NOS2: variants seen among roughly 807,000 people sequenced by gnomAD.
NOS2 encodes nitric oxide synthase, inducible.
Under a neutral mutation model 136.0 loss-of-function variants are expected in NOS2, and 96 were observed. The ratio of observed to expected loss-of-function variants is 0.71; its 90% CI spans 0.60 to 0.84. NOS2 has a LOEUF of 0.84. Ranked by LOEUF, NOS2 falls within the 40% of genes least tolerant of loss-of-function variation. The pLI, the probability that NOS2 is intolerant of heterozygous loss-of-function variation, is 0.00. For synonymous variants in NOS2, 539 were observed against 587.5 expected (o/e 0.92, Z 1.20); for missense variants, 1,237 against 1,496.9 (o/e 0.83, Z 2.87).
chr17:27,788,378 C>G (rs1467831513), intron 4 of NOS2, among the ~76,000 whole-genome samples: 1 of 152,094 alleles, frequency 6.6e-6, no homozygotes, highest in Non-Finnish European at 1.5e-5. Context: ...CAGAAAGAAG[C>G]CTGAAAAGAC....
At chr17:27,793,324 C>T (rs1400038780) in intron 2 of NOS2, among the ~76,000 whole-genome samples, 1 of 152,164 alleles carries the variant, frequency 6.6e-6, no homozygotes, top group Admixed American at 6.5e-5. Flanking sequence ...ATTTCAAAAG[C>T]TCCCAAGTGC....
chr17:27,769,429 G>T, intron 16 of NOS2, 106 bp downstream of exon 16: 1 of 978,592 alleles, frequency 1.0e-6, no homozygotes, highest in South Asian at 1.4e-5. Context: ...CTCTGTGCCT[G>T]CACGGTTCTG....
At chr17:27,764,263 A>G (rs1181105923) in intron 20 of NOS2, 119 bp from the exon 21 acceptor site, 1 of 572,856 alleles carries the variant, frequency 1.7e-6, no homozygotes, top group African/African-American at 2.0e-5. Context: ...AGGAGGCTCT[A>G]AAGACCTGGC....
intron 15 of NOS2, 37 bp downstream of exon 15, chr17:27,770,876 A>C (rs1597548488): frequency 6.6e-7 from 1 of 1,523,546 alleles, no homozygotes; most frequent in Non-Finnish European, 9.1e-7. Flanking sequence ...CCCGTGCCCT[A>C]CCACCCCCTA....
chr17:27,775,791 A>T (rs1169880222), intron 11 of NOS2, among the ~76,000 whole-genome samples: 3 of 152,114 alleles, frequency 2.0e-5, no homozygotes, highest in African/African-American at 4.8e-5. Flanking sequence ...CTCCAAAAAA[A>T]AAGTTCTTAC....
intron 11 of NOS2, among the ~76,000 whole-genome samples, 196 bp downstream of exon 11, chr17:27,778,494 C>G (rs1908732192): frequency 6.6e-6 from 1 of 152,104 alleles, no homozygotes; most frequent in African/African-American, 2.4e-5. Context: ...GAGTAAAGTC[C>G]TTGAGCGATT....
intron 9 of NOS2, 21 bp from the exon 10 acceptor site, chr17:27,779,077 A>G: frequency 7.0e-7 from 1 of 1,424,450 alleles, no homozygotes; most frequent in East Asian, 2.6e-5. Context: ...GGTAGACACA[A>G]TTTAACTGGG....
intron 19 of NOS2, 98 bp downstream of exon 19, chr17:27,766,412 C>G: frequency 8.9e-7 from 1 of 1,118,558 alleles, no homozygotes; most frequent in Non-Finnish European, 1.4e-6. Context: ...AGCATATGCT[C>G]TTCTCCTCTC....
chr17:27,779,129 A>G (rs1908759472), intron 9 of NOS2, 73 bp from the exon 10 acceptor site: 1 of 1,174,044 alleles, frequency 8.5e-7, no homozygotes, highest in South Asian at 2.8e-5. Context: ...TTTTTTAGTG[A>G]CTTGGTCTTG....
chr17:27,763,078 T>A, intron 21 of NOS2, 73 bp from the exon 22 acceptor site: 1 of 971,912 alleles, frequency 1.0e-6, no homozygotes, highest in Non-Finnish European at 1.5e-6. Flanking sequence ...CACAACCCAG[T>A]ATTCATTCAT....
At chr17:27,780,485 C>T (rs2151331304) in intron 9 of NOS2, among the ~76,000 whole-genome samples, 1 of 152,312 alleles carries the variant, frequency 6.6e-6, no homozygotes, top group South Asian at 2.1e-4. Flanking sequence ...ATGCATTCCT[C>T]TCCTGCAGTC....
intron 6 of NOS2, among the ~76,000 whole-genome samples, chr17:27,782,320 A>G (rs1274065370): frequency 6.6e-6 from 1 of 152,126 alleles, no homozygotes; most frequent in African/African-American, 2.4e-5. Flanking sequence ...CTCCCATTTC[A>G]TGGCTGCCCT....
chr17:27,760,258 TC>T, intron 24 of NOS2, 80 bp from the exon 25 acceptor site: 1 of 1,377,950 alleles, frequency 7.3e-7, no homozygotes, highest in South Asian at 1.4e-5. Context: ...AATTCTCACT[TC>T]ACTCCCACTA....
intron 4 of NOS2, 124 bp from the exon 5 acceptor site, chr17:27,787,950 A>C: frequency 2.0e-6 from 2 of 986,180 alleles, no homozygotes; most frequent in Non-Finnish European, 1.5e-6. Context: ...CCTCTTCTCC[A>C]CCCCTGTGGC....
intron 15 of NOS2, 41 bp from the exon 16 acceptor site, chr17:27,769,625 A>C: frequency 1.3e-6 from 2 of 1,532,220 alleles, no homozygotes; most frequent in South Asian, 2.2e-5. Flanking sequence ...AGCCAGGATG[A>C]ATAAAAACAC....
chr17:27,773,131 T>C, intron 13 of NOS2, 30 bp downstream of exon 13: 1 of 1,540,380 alleles, frequency 6.5e-7, no homozygotes, highest in Non-Finnish European at 9.0e-7. Flanking sequence ...AGTTCACACA[T>C]CACTACTAGC....
At chr17:27,781,318 C>A in intron 7 of NOS2, 141 bp from the exon 8 acceptor site, 2 of 921,248 alleles carry the variant, frequency 2.2e-6, no homozygotes, top group Non-Finnish European at 3.2e-6. Flanking sequence ...TCCTGACATG[C>A]CTTCTCCTGC....
intron 1 of NOS2, among the ~76,000 whole-genome samples, chr17:27,799,292 C>G (rs1473422454): frequency 6.6e-6 from 1 of 152,188 alleles, no homozygotes; most frequent in African/African-American, 2.4e-5. Context: ...CCCAGCAGCT[C>G]TCATTATCAA....
Position 27,756,855 on chromosome 17 carries a change from T to C in NOS2, c.*391A>G, listed in dbSNP as rs1442275291. 5.5e-6 allele frequency: 1 copy of C among 183,472 alleles called. No individual in the cohort carries two copies. Among genetic ancestry groups the C allele is most frequent in the African/African-American group, 2.3e-5 (1 of 42,560 alleles). 11.4% of individuals were successfully genotyped at this position (183,472 alleles called of 1,614,324 possible). A position where few individuals can be genotyped will look rare whatever the true frequency, so the allele number is the denominator to read the frequency against. ...AAGTGGCCATGGGGAACAGACTGGGTGTTAGTTTTTTAAATACAGAGGCAT... is the reference window on the plus strand; with the variant it reads ...AAGTGGCCATGGGGAACAGACTGGGCGTTAGTTTTTTAAATACAGAGGCAT... On this transcript the variant is annotated 3_prime_UTR_variant, in exon 27 of 27. Transcript: ENST00000313735.
Sources: gnomAD v4.1 joint callset for allele counts (sites outside exome capture counted in the v4.1 genomes callset) on GRCh38, gnomAD v4.1.1 for gene constraint, MANE v1.5 for transcripts, NCBI Gene and HGNC (gene_info 2026-07-23, HGNC 2026-07-21) for gene names.